Variants in COX10 observed in about 807,000 individuals in gnomAD.
The protein encoded by COX10 is cytochrome c oxidase assembly factor heme A:farnesyltransferase COX10, also known as protoheme IX farnesyltransferase, mitochondrial.
COX10 carries 27 observed loss-of-function variants against 37.3 expected under a neutral mutation model. That is an observed-to-expected ratio of 0.72 (90% CI 0.53 to 1.00). The LOEUF is 1.00. Among genes scored for constraint, COX10 ranks in the 50% least tolerant of loss-of-function variants. The pLI is 0.00. For synonymous variants in COX10, 222 were observed against 229.1 expected, an observed-to-expected ratio of 0.97 and a Z score of 0.28; for missense variants, 475 against 563.2, an observed-to-expected ratio of 0.84 and a Z score of 1.59.
At chr17:14,200,406 C>T (rs774459616) in intron 6 of COX10, among the ~76,000 whole-genome samples, 3 of 152,178 alleles carry the variant, frequency 2.0e-5, no homozygotes, top group Non-Finnish European at 2.9e-5. Context: ...GCATTTTCAA[C>T]GAGTCATCAG....
intron 5 of COX10, among the ~76,000 whole-genome samples, chr17:14,166,721 C>G (rs551475087): frequency 1.3e-5 from 2 of 149,770 alleles, no homozygotes; most frequent in Non-Finnish European, 3.0e-5. Flanking sequence ...AAGCGATTCT[C>G]CTGCCTCAGC....
intron 4 of COX10, among the ~76,000 whole-genome samples, chr17:14,126,105 T>G (rs1916338522): frequency 6.6e-6 from 1 of 151,582 alleles, no homozygotes; most frequent in Non-Finnish European, 1.5e-5. Flanking sequence ...CATTGCTGGG[T>G]TTTTTTTTCT....
intron 4 of COX10, among the ~76,000 whole-genome samples, chr17:14,117,554 G>A (rs969347097): frequency 1.3e-5 from 2 of 152,154 alleles, no homozygotes; most frequent in African/African-American, 4.8e-5. Flanking sequence ...CCCCCTTTCA[G>A]GGCGTGTGAC....
At chr17:14,188,274 T>C (rs1906100363) in intron 5 of COX10, among the ~76,000 whole-genome samples, 1 of 150,470 alleles carries the variant, frequency 6.6e-6, no homozygotes, top group African/African-American at 2.4e-5. Context: ...AACAACATTA[T>C]AATATGTGCA....
chr17:14,105,291 C>A (rs2142202374), intron 4 of COX10, among the ~76,000 whole-genome samples: 1 of 152,254 alleles, frequency 6.6e-6, no homozygotes, highest in South Asian at 2.1e-4. Context: ...TCAACTTTCT[C>A]AACCAGTTCT....
At chr17:14,083,295 TTTTA>T in intron 3 of COX10, among the ~76,000 whole-genome samples, 1 of 152,240 alleles carries the variant, frequency 6.6e-6, no homozygotes, top group Non-Finnish European at 1.5e-5. Context: ...TTATCTGACC[TTTTA>T]CCTCTCTATT....
chr17:14,175,089 G>A (rs1427970712), intron 5 of COX10, among the ~76,000 whole-genome samples: 4 of 80,816 alleles, frequency 4.9e-5, no homozygotes, highest in African/African-American at 6.9e-5. Flanking sequence ...ATAGCGGGGG[G>A]GGGGGGGGTG....
rs1390375545 is a variant in COX10, at chr17:14,172,573, T to TTTTCC, written c.695+12629_695+12630insCCTTT. On this transcript the variant is annotated intron_variant, in intron 5 of 6. Transcript: ENST00000261643. ...GCTATTCGTATGTCTTCTTTTTTTC[T>TTTTCC]TTTTCTTTTTTTTTTTTTTTTTTTT... Among the ~76,000 whole-genome samples, 5 of 126,650 alleles carry TTTTCC rather than the reference T, an allele frequency of 3.9e-5. 1 individual carries two copies. The highest frequency in any genetic ancestry group is 2.9e-5 in the African/African-American group (1 of 34,530). 83.1% of individuals were successfully genotyped at this position (126,650 alleles called of 152,430 possible).
At chr17:14,146,287 A>G (rs1269350811) in intron 4 of COX10, among the ~76,000 whole-genome samples, 1 of 152,138 alleles carries the variant, frequency 6.6e-6, no homozygotes, top group Non-Finnish European at 1.5e-5. Flanking sequence ...TGGTACTGAC[A>G]TAAAAATAGA....
At chr17:14,155,709 C>T (rs1905025157) in intron 4 of COX10, among the ~76,000 whole-genome samples, 2 of 146,284 alleles carry the variant, frequency 1.4e-5, no homozygotes, top group Admixed American at 1.4e-4. Context: ...AGTGAGACTC[C>T]ATCTCAAAAA....
chr17:14,076,818 A>C lies in COX10; in HGVS notation c.261A>C (p.Thr87=), dbSNP rs1413047351. 1.9e-6 allele frequency: 3 copies of C among 1,614,090 alleles called. No homozygotes were observed. In the African/African-American group the frequency reaches 4.0e-5, roughly 22 times the overall value. ...EPVASPFLEK[T]SSGQAKAEIY... is the part of the protein sequence containing the mutation. ...TAGCATCTCCTTTCCTTGAAAAAAC[A>C]TCTTCAGGTCAAGCCAAAGCAGAAA... The change falls in exon 3 of 7, where the codon ACA becomes ACC. Residue 87 remains threonine (T), a synonymous_variant. Transcript: ENST00000261643.
At chr17:14,205,358 T>C (rs1009498196) in intron 6 of COX10, among the ~76,000 whole-genome samples, 18 of 152,176 alleles carry the variant, frequency 1.2e-4, no homozygotes, top group Non-Finnish European at 2.6e-4. Context: ...AAGCCACCTC[T>C]GGTCCCCTAG....
At chr17:14,174,578 A>G (rs1905597936) in intron 5 of COX10, among the ~76,000 whole-genome samples, 1 of 152,200 alleles carries the variant, frequency 6.6e-6, no homozygotes, top group Non-Finnish European at 1.5e-5. Flanking sequence ...ATGCAAATTA[A>G]AAACACAATG....
At chr17:14,073,190 G>A (rs1031445441) in intron 1 of COX10, among the ~76,000 whole-genome samples, 9 of 152,172 alleles carry the variant, frequency 5.9e-5, no homozygotes, top group African/African-American at 2.2e-4. Context: ...AAGTATTGAA[G>A]GCAGGAGGAC....
intron 4 of COX10, among the ~76,000 whole-genome samples, chr17:14,107,694 CCA>C (rs1221487967): frequency 6.8e-6 from 1 of 146,928 alleles, no homozygotes; most frequent in Non-Finnish European, 1.5e-5. Context: ...CACACACACA[CCA>C]CACACGACCT....
chr17:14,203,369 G>T lies in COX10; in HGVS notation c.929-3441G>T, dbSNP rs988543961. ...TCCCATACTGGAAGACTGAAAAGGG[G>T]TTGACTGACTTATGGAAGCCACAGA... On this transcript the variant is annotated intron_variant, in intron 6 of 6. Transcript: ENST00000261643. Among the ~76,000 whole-genome samples the T allele has an allele frequency of 1.1e-4, 17 of 152,230 alleles. 1 individual carries two copies. Among genetic ancestry groups the T allele is most frequent in the Admixed American group, 1.1e-3 (17 of 15,290 alleles).
rs532216476 is a variant in COX10 at position 14,161,957 on chromosome 17, C to A, written c.695+2010C>A. On this transcript the variant is annotated intron_variant, in intron 5 of 6. Coordinates refer to ENST00000261643, the MANE Select transcript of COX10 (RefSeq NM_001303.4). ...CTATTGGTTCTGTATCCCTGTAGAACTCTGACTAATACAGATTTGCCACTG... is the reference window on the plus strand; with the variant it reads ...CTATTGGTTCTGTATCCCTGTAGAAATCTGACTAATACAGATTTGCCACTG... Among the ~76,000 whole-genome samples the A allele has an allele frequency of 4.6e-5, 7 of 152,292 alleles. 1 individual carries two copies. The East Asian group carries it at 1.4e-3, about 29-fold the overall frequency.
At chr17:14,140,364 T>C (rs1172986725) in intron 4 of COX10, among the ~76,000 whole-genome samples, 1 of 152,150 alleles carries the variant, frequency 6.6e-6, no homozygotes. Flanking sequence ...ACATTTTTAA[T>C]GACTGCCTCA....
intron 6 of COX10, among the ~76,000 whole-genome samples, chr17:14,193,299 T>A (rs1163663833): frequency 2.0e-5 from 3 of 152,298 alleles, no homozygotes; most frequent in Non-Finnish European, 2.9e-5. Flanking sequence ...CACTGTCTCC[T>A]CATCTCCCAC....
Sources: allele counts gnomAD v4.1 joint callset (sites outside exome capture counted in the v4.1 genomes callset), GRCh38; gene constraint gnomAD v4.1.1; transcripts MANE v1.5; gene names NCBI Gene and HGNC (gene_info 2026-07-23, HGNC 2026-07-21).